PARP8: variants seen among roughly 807,000 people sequenced by gnomAD.
PARP8 encodes the protein protein mono-ADP-ribosyltransferase PARP8.
A neutral mutation model predicts 124.1 loss-of-function variants in PARP8; 51 were observed. The observed-to-expected ratio is 0.41, with a 90% CI of 0.33 to 0.52. The LOEUF (loss-of-function observed/expected upper bound fraction) is 0.52, where lower values mean the gene tolerates loss of function less well. PARP8 is among the 20% of genes least tolerant of loss of function. The pLI is 0.21. For synonymous variants in PARP8, 391 were observed against 361.5 expected (o/e 1.08, Z -0.93); for missense variants, 860 against 1,018.9 (o/e 0.84, Z 2.12).
intron 14 of PARP8, among the ~76,000 whole-genome samples, chr5:50,800,208 A>G (rs1364385675): frequency 6.6e-6 from 1 of 152,188 alleles, no homozygotes. Context: ...ACTGTAAATT[A>G]AGTTGCTTTA....
In PARP8 at chr5:50,794,310, C is replaced by A. The variant is rs1423496591; in HGVS notation, c.841C>A (p.His281Asn). 1 of 1,613,078 alleles carries A rather than the reference C, an allele frequency of 6.2e-7. No homozygotes were observed. The highest frequency in any genetic ancestry group is 1.3e-5 in the African/African-American group (1 of 74,882). Residue 281 changes from histidine to asparagine, a missense_variant, in exon 11 of 26, where the codon CAT (histidine) becomes AAT (asparagine). His to Asn is a moderately conservative substitution (Grantham distance 68). Coordinates refer to ENST00000281631, the MANE Select transcript of PARP8 (RefSeq NM_024615.4). ...AGAGAAGAAAGTGAAGTCTCCCCTG[C>A]ATTTATTTTCTACTTTGCGCAGGTT... is the stretch of plus-strand genomic sequence containing the variant. ...LSEKKVKSPL[H>N]LFSTLRRSPS... is the part of the protein sequence containing the mutation.
intron 5 of PARP8, among the ~76,000 whole-genome samples, chr5:50,761,225 C>T (rs1363904683): frequency 1.3e-5 from 2 of 152,026 alleles, no homozygotes; most frequent in East Asian, 3.8e-4. Context: ...GTTTGTACTT[C>T]AGACACATGG....
intron 25 of PARP8, among the ~76,000 whole-genome samples, chr5:50,835,736 A>G (rs948835019): frequency 6.6e-6 from 1 of 152,130 alleles, no homozygotes; most frequent in South Asian, 2.1e-4. Flanking sequence ...TCCATATAAT[A>G]CAGGCTGGCA....
In PARP8 at chr5:50,788,507, C is replaced by G. The variant is rs374115502; in HGVS notation, c.671-16C>G. ...TTTCAAGTCAATATGTGACTGTGAT[C>G]CTTTTTCCTTTCCAGTGCCCACTGT... On this transcript the variant is annotated splice_polypyrimidine_tract_variant and intron_variant, in intron 9 of 25. Transcript: ENST00000281631. The G allele has an allele frequency of 6.2e-7, 1 of 1,610,608 alleles. No homozygotes were observed. Among genetic ancestry groups the G allele is most frequent in the South Asian group, 1.1e-5 (1 of 90,910 alleles).
chr5:50,806,360 T>C (rs1743840921), intron 14 of PARP8, among the ~76,000 whole-genome samples: 1 of 152,032 alleles, frequency 6.6e-6, no homozygotes, highest in South Asian at 2.1e-4. Flanking sequence ...GGGAGTTCAC[T>C]GTTTGTGGTT....
Position 50,822,348 on chromosome 5 carries a change from A to G in PARP8, c.1808A>G (p.Asp603Gly). Residue 603 changes from aspartate to glycine, a missense_variant, in exon 17 of 26, where the codon GAT becomes GGT. This residue lies in a region of PARP8 where 343 missense variants were observed against 474.7 expected (regional missense o/e 0.72). Transcript: ENST00000281631. ...TTCATTAAACAGAAAAAGAACTATG[A>G]TCGAGTAATGAAAGCACTGGATAGC... ...LAFNPRKKNY[D>G]RVMKALDSIT... 1 of 1,610,564 alleles carries G rather than the reference A, an allele frequency of 6.2e-7. No homozygotes were observed. Among genetic ancestry groups the G allele is most frequent in the Non-Finnish European group, 8.5e-7 (1 of 1,177,412 alleles).
chr5:50,685,921 C>T (rs1280509308), intron 2 of PARP8, among the ~76,000 whole-genome samples: 1 of 152,172 alleles, frequency 6.6e-6, no homozygotes, highest in African/African-American at 2.4e-5. Flanking sequence ...CACTGGGTCC[C>T]TCCCACAACA....
At chr5:50,709,110 C>A (rs1004371472) in intron 2 of PARP8, among the ~76,000 whole-genome samples, 4 of 152,000 alleles carry the variant, frequency 2.6e-5, no homozygotes, top group Admixed American at 2.6e-4. Flanking sequence ...GTATTTATAT[C>A]TTTGATAATA....
At chr5:50,713,634 C>T (rs1755007872) in intron 2 of PARP8, among the ~76,000 whole-genome samples, 1 of 151,880 alleles carries the variant, frequency 6.6e-6, no homozygotes, top group African/African-American at 2.4e-5. Flanking sequence ...TATCCACATC[C>T]TAATCCTGGA....
At chr5:50,738,130 G>A (rs76711229) in intron 2 of PARP8, among the ~76,000 whole-genome samples, 6,584 of 152,160 alleles carry the variant, frequency 0.043, 454 homozygotes, top group African/African-American at 0.15. Context: ...AACAAGAAAA[G>A]CAGTGGATAG....
At chr5:50,724,328 A>C (rs1478272059) in intron 2 of PARP8, among the ~76,000 whole-genome samples, 5 of 152,156 alleles carry the variant, frequency 3.3e-5, no homozygotes, top group Non-Finnish European at 7.4e-5. Context: ...CTAAGTTTTC[A>C]GTAGATGCAT....
chr5:50,797,088 A>T (rs1373468293), intron 13 of PARP8, 50 bp from the exon 14 acceptor site: 5 of 1,609,334 alleles, frequency 3.1e-6, no homozygotes, highest in Non-Finnish European at 4.2e-6. Flanking sequence ...CGGGGTTTTT[A>T]AATCATTTAT....
At chr5:50,765,736 C>A (rs1444773763) in intron 7 of PARP8, among the ~76,000 whole-genome samples, 1 of 152,102 alleles carries the variant, frequency 6.6e-6, no homozygotes, top group Non-Finnish European at 1.5e-5. Flanking sequence ...CACAGCAGGA[C>A]TAGTTTGATT....
rs1274943717 is a variant in PARP8, at chr5:50,668,113, G to A, written c.134G>A (p.Gly45Asp). The A allele has an allele frequency of 1.9e-6, 3 of 1,611,222 alleles. No individual in the cohort carries two copies. The highest frequency in any genetic ancestry group is 2.5e-6 in the Non-Finnish European group (3 of 1,179,496). ...SDSTFTFTYVGGPRSVSYSVH... is the reference protein window; with the variant it reads ...SDSTFTFTYVDGPRSVSYSVH... ...TCCACCTTTACTTTTACCTACGTTG[G>A]CGGCCCCAGAAGGTATTTATGTGTA... The change falls in exon 2 of 26, where the codon GGC (glycine) becomes GAC (aspartate). Residue 45 changes from glycine (G) to aspartate (D), a missense_variant. Around this residue, in one of 2 missense-constraint regions of PARP8, gnomAD observed 517 missense variants for 544.2 expected, o/e 0.95. Coordinates refer to ENST00000281631, the MANE Select transcript of PARP8 (RefSeq NM_024615.4).
chr5:50,760,856 TA>T (rs1760474826), intron 5 of PARP8, among the ~76,000 whole-genome samples: 1 of 152,090 alleles, frequency 6.6e-6, no homozygotes, highest in African/African-American at 2.4e-5. Context: ...AATATCAGGA[TA>T]TTAAACAAAC....
At chr5:50,765,487 T>C (rs1272385484) in intron 7 of PARP8, among the ~76,000 whole-genome samples, 1 of 152,176 alleles carries the variant, frequency 6.6e-6, no homozygotes, top group Non-Finnish European at 1.5e-5. Context: ...TTAGTGATAA[T>C]TGTTAGCTGC....
chr5:50,771,031 A>G (rs1273760088), intron 7 of PARP8, among the ~76,000 whole-genome samples: 1 of 151,914 alleles, frequency 6.6e-6, no homozygotes, highest in Non-Finnish European at 1.5e-5. Flanking sequence ...TCATTTATTT[A>G]TGTAACCTAT....
intron 3 of PARP8, among the ~76,000 whole-genome samples, chr5:50,755,408 G>A (rs915937200): frequency 1.4e-4 from 22 of 152,122 alleles, no homozygotes; most frequent in African/African-American, 5.3e-4. Context: ...TGGCTAGCCA[G>A]TTTTCCCAGC....
intron 14 of PARP8, among the ~76,000 whole-genome samples, chr5:50,810,899 A>ATT (rs1442983769): frequency 4.6e-5 from 7 of 152,044 alleles, no homozygotes; most frequent in African/African-American, 1.7e-4. Context: ...TCACATTATG[A>ATT]CGTTTGTAGT....
Sources: allele counts gnomAD v4.1 joint callset (sites outside exome capture counted in the v4.1 genomes callset), GRCh38; gene constraint gnomAD v4.1.1; regional missense constraint gnomAD v4.1.1; transcripts MANE v1.5; gene names NCBI Gene and HGNC (gene_info 2026-07-23, HGNC 2026-07-21).